The following OR51B5 variants were observed in gnomAD, a reference collection of about 807,000 sequenced individuals.
OR51B5 encodes the protein olfactory receptor 51B5.
For missense variants in OR51B5, 456 were observed against 374.6 expected (o/e 1.22, Z -1.79); for synonymous variants, 186 against 144.8 (o/e 1.28, Z -2.04).
intron 1 of OR51B5, among the ~76,000 whole-genome samples, chr11:5,421,955 A>G (rs754236227): frequency 1.7e-4 from 26 of 152,252 alleles, no homozygotes; most frequent in Non-Finnish European, 3.4e-4. Context: ...AATTAGAGTT[A>G]CCCATGAATT....
At chr11:5,475,095 G>A (rs116387316) in intron 1 of OR51B5, among the ~76,000 whole-genome samples, 2,633 of 152,072 alleles carry the variant, frequency 0.017, 74 homozygotes, top group African/African-American at 0.06. Flanking sequence ...CTTTACTGAC[G>A]TCTTACCAGT....
chr11:5,498,951 T>C (rs1851685363), intron 1 of OR51B5, among the ~76,000 whole-genome samples: 1 of 152,238 alleles, frequency 6.6e-6, no homozygotes, highest in Admixed American at 6.5e-5. Flanking sequence ...GAAGGGCATG[T>C]ACTCTCCTGG....
intron 1 of OR51B5, among the ~76,000 whole-genome samples, chr11:5,401,414 T>A (rs1849965737): frequency 6.6e-6 from 1 of 152,222 alleles, no homozygotes; most frequent in Non-Finnish European, 1.5e-5. Context: ...GCACATAATC[T>A]TTCTAGTTGA....
At chr11:5,355,727 A>T (rs910520501) in intron 1 of OR51B5, 1 of 151,072 alleles carries the variant, frequency 6.6e-6, no homozygotes, top group Non-Finnish European at 1.5e-5. Context: ...TTTCAAATAA[A>T]CCTTGGGAAA....
chr11:5,473,938 G>T (rs1431103313), intron 1 of OR51B5, among the ~76,000 whole-genome samples: 1 of 151,728 alleles, frequency 6.6e-6, no homozygotes, highest in Non-Finnish European at 1.5e-5. Context: ...GTAGTTACTA[G>T]GAAATGAGAA....
chr11:5,490,101 G>A (rs531791117), intron 1 of OR51B5, among the ~76,000 whole-genome samples: 6 of 152,302 alleles, frequency 3.9e-5, no homozygotes, highest in Admixed American at 2.0e-4. Context: ...GAGTGCCTGC[G>A]TTTGAATCCT....
chr11:5,379,502 T>C (rs553822996), intron 1 of OR51B5, among the ~76,000 whole-genome samples: 80 of 151,504 alleles, frequency 5.3e-4, no homozygotes, highest in African/African-American at 1.8e-3. Context: ...AAAAATAAAG[T>C]TCCAGTTTAT....
chr11:5,504,279 CCTAG>C (rs1846341824), intron 1 of OR51B5, among the ~76,000 whole-genome samples: 1 of 152,176 alleles, frequency 6.6e-6, no homozygotes, highest in African/African-American at 2.4e-5. Flanking sequence ...CGTCTACTTT[CCTAG>C]CTAATTGTTA....
At chr11:5,460,003 A>C (rs1005593359) in intron 1 of OR51B5, among the ~76,000 whole-genome samples, 3 of 152,218 alleles carry the variant, frequency 2.0e-5, no homozygotes, top group African/African-American at 7.2e-5. Flanking sequence ...TATACTGGAT[A>C]ATGAAAATAT....
chr11:5,352,190 C>T, intron 1 of OR51B5: 1 of 1,614,146 alleles, frequency 6.2e-7, no homozygotes, highest in Non-Finnish European at 8.5e-7. Context: ...GGCATTGGTT[C>T]TGGAGGAGAA....
chr11:5,359,908 T>A (rs1258392632), intron 1 of OR51B5, among the ~76,000 whole-genome samples: 1 of 152,210 alleles, frequency 6.6e-6, no homozygotes, highest in African/African-American at 2.4e-5. Flanking sequence ...ATTCCCTATT[T>A]AATAAATGGT....
chr11:5,504,456 G>A (rs317788), intron 1 of OR51B5, among the ~76,000 whole-genome samples: 144,501 of 152,264 alleles, frequency 0.95, 69,026 homozygotes, highest in East Asian at 1. Flanking sequence ...CGCCACCTGT[G>A]TAACCCCCTT....
At chr11:5,419,665 A>G (rs905374637) in intron 1 of OR51B5, among the ~76,000 whole-genome samples, 6 of 152,156 alleles carry the variant, frequency 3.9e-5, no homozygotes, top group Admixed American at 1.3e-4. Flanking sequence ...GTTGCTATCC[A>G]GGAGAGCTCC....
exon 1 of OR51B5, chr11:5,342,623 ATGGCAT>A (rs1487042716): frequency 1.9e-6 from 3 of 1,604,692 alleles, no homozygotes; most frequent in Non-Finnish European, 2.6e-6. Context: ...AAGGTGAAGA[ATGGCAT>A]TCTGAATCTG....
chr11:5,347,417 C>T (rs1480916012), upstream of OR51B5, among the ~76,000 whole-genome samples: 1 of 152,168 alleles, frequency 6.6e-6, no homozygotes, highest in East Asian at 1.9e-4. Context: ...CTGCAGTTAT[C>T]ACTAACTATT....
intron 1 of OR51B5, among the ~76,000 whole-genome samples, chr11:5,358,596 C>A (rs1019716353): frequency 6.6e-6 from 1 of 152,158 alleles, no homozygotes. Context: ...CCCTCTGAAA[C>A]TATTCGAATC....
intron 1 of OR51B5, among the ~76,000 whole-genome samples, chr11:5,450,001 T>C (rs1352432691): frequency 6.6e-6 from 1 of 152,102 alleles, no homozygotes; most frequent in South Asian, 2.1e-4. Context: ...AACAGCACCA[T>C]AGCAAACTCT....
At chr11:5,467,206 A>G (rs1272132731) in intron 1 of OR51B5, among the ~76,000 whole-genome samples, 1 of 152,124 alleles carries the variant, frequency 6.6e-6, no homozygotes, top group African/African-American at 2.4e-5. Context: ...GTCCTCTCCA[A>G]TTGGGGGCAA....
At chr11:5,371,774 C>G (rs1338933596) in intron 1 of OR51B5, among the ~76,000 whole-genome samples, 1 of 152,146 alleles carries the variant, frequency 6.6e-6, no homozygotes, top group East Asian at 1.9e-4. Context: ...GTAAGGGCAT[C>G]TAACATCTAC....
Sources: gnomAD v4.1 joint callset for allele counts (sites outside exome capture counted in the v4.1 genomes callset) on GRCh38, gnomAD v4.1.1 for gene constraint, MANE v1.5 for transcripts, NCBI Gene and HGNC (gene_info 2026-07-23, HGNC 2026-07-21) for gene names.